Variants in TBCK observed in about 807,000 individuals in gnomAD.
The protein encoded by TBCK is TBC1 domain containing kinase, also known as TBC domain-containing protein kinase-like protein.
TBCK carries 99 observed loss-of-function variants against 113.4 expected under a neutral mutation model. That is an observed-to-expected ratio of 0.87 (90% confidence interval 0.74 to 1.03). TBCK has a LOEUF of 1.03. Among genes scored for constraint, TBCK ranks in the 50% least tolerant of loss-of-function variants. The probability of loss-of-function intolerance (pLI) is 0.00; values close to 1 mark genes in which losing one functional copy is unlikely to be tolerated. For missense variants in TBCK, 1,045 were observed against 1,061.3 expected (o/e 0.98, Z 0.21); for synonymous variants, 369 against 370.8 (o/e 1.00, Z 0.05).
rs140159536 is a variant in TBCK at position 106,173,246 on chromosome 4, A to G, written c.2060-1976T>C. ...AATATCAACTTGTTATTTCACAAAG[A>G]AAATACAAACACAAACTAGAAGAAA... On this transcript the variant is annotated intron_variant, in intron 22 of 25. Transcript: ENST00000394708. Among the ~76,000 whole-genome samples, 47 of 152,316 alleles carry G rather than the reference A, an allele frequency of 3.1e-4. 1 individual carries two copies. The highest frequency in any genetic ancestry group is 1.0e-3 in the African/African-American group (43 of 41,594).
rs561765090 is a variant in TBCK at position 106,255,248 on chromosome 4, A to AC, written c.456-3242dup. On this transcript the variant is annotated intron_variant, in intron 5 of 25. Coordinates refer to ENST00000394708, the MANE Select transcript of TBCK (RefSeq NM_001163435.3). ...TGTGGTGTCACTTTGTCAGGTGGAA[A>AC]CCTCTGTGGCCAGTGGTGCCTTTGC... 5.1e-4 allele frequency among the ~76,000 whole-genome samples: 77 copies of AC among 152,280 alleles called. 3 individuals are homozygous for AC. In the South Asian group the frequency reaches 0.016, roughly 31 times the overall value.
intron 12 of TBCK, among the ~76,000 whole-genome samples, chr4:106,237,064 G>T (rs948371849): frequency 1.3e-5 from 2 of 151,810 alleles, no homozygotes; most frequent in African/African-American, 4.8e-5. Context: ...CACTTATCAT[G>T]ATATATTTTC....
At chr4:106,254,375 T>C (rs570783973) in intron 5 of TBCK, among the ~76,000 whole-genome samples, 38 of 152,348 alleles carry the variant, frequency 2.5e-4, no homozygotes, top group South Asian at 8.3e-4. Flanking sequence ...TTTCTAAGGA[T>C]AGCAGTCTTA....
chr4:106,174,536 T>C (rs73838130), intron 22 of TBCK, among the ~76,000 whole-genome samples: 2 of 152,240 alleles, frequency 1.3e-5, no homozygotes, highest in East Asian at 3.9e-4. Context: ...ATCCCTGTAT[T>C]ATGAAATTTC....
chr4:106,175,083 C>T (rs935026482), intron 22 of TBCK, among the ~76,000 whole-genome samples: 4 of 150,806 alleles, frequency 2.7e-5, no homozygotes, highest in Non-Finnish European at 5.9e-5. Flanking sequence ...GCAGTGATCA[C>T]GCCTGTATCA....
At chr4:106,055,014 G>C (rs933158614) in intron 25 of TBCK, among the ~76,000 whole-genome samples, 1 of 151,622 alleles carries the variant, frequency 6.6e-6, no homozygotes, top group South Asian at 2.1e-4. Flanking sequence ...ATAAATGCTT[G>C]TGACATATGT....
At position 106,214,094 on chromosome 4, in the gene TBCK, T is replaced by C. The variant is rs926486891; in HGVS notation, c.1775-1259A>G. ...CGAGCAGCCTAACTGGGAGGCACCC[T>C]CCAGCAGGGGCACACTGACACCTCA... On this transcript the variant is annotated intron_variant, in intron 19 of 25. Transcript: ENST00000394708. Among the ~76,000 whole-genome samples, 51 of 151,930 alleles carry C rather than the reference T, an allele frequency of 3.4e-4. 1 individual carries two copies. Among genetic ancestry groups the C allele is most frequent in the Non-Finnish European group, 5.0e-4 (34 of 67,970 alleles).
At chr4:106,128,034 TA>T (rs1429103917) in intron 23 of TBCK, among the ~76,000 whole-genome samples, 3 of 152,166 alleles carry the variant, frequency 2.0e-5, no homozygotes, top group African/African-American at 7.2e-5. Flanking sequence ...TTTAAAACTC[TA>T]AAAACTCTAG....
chr4:106,227,373 G>A (rs75070770), intron 19 of TBCK, among the ~76,000 whole-genome samples: 2,055 of 145,734 alleles, frequency 0.014, 25 homozygotes, highest in Non-Finnish European at 0.022. Context: ...ATGTTTTTAT[G>A]TGCTAAGCTA....
chr4:106,201,680 G>A (rs1319135691), intron 20 of TBCK, among the ~76,000 whole-genome samples: 1 of 151,900 alleles, frequency 6.6e-6, no homozygotes, highest in African/African-American at 2.4e-5. Context: ...CAAAGGAAGG[G>A]AGAACCATCA....
chr4:106,170,456 T>A (rs1376520138), intron 23 of TBCK, among the ~76,000 whole-genome samples: 1 of 152,074 alleles, frequency 6.6e-6, no homozygotes, highest in Non-Finnish European at 1.5e-5. Flanking sequence ...TTAATATAAT[T>A]TGATTGTGAT....
chr4:106,164,852 A>T (rs1171081246), intron 23 of TBCK, among the ~76,000 whole-genome samples: 2 of 151,924 alleles, frequency 1.3e-5, no homozygotes, highest in East Asian at 3.9e-4. Flanking sequence ...AATGTGCTTT[A>T]AATAAGATTT....
chr4:106,223,183 G>A (rs573951954), intron 19 of TBCK, among the ~76,000 whole-genome samples: 1 of 152,126 alleles, frequency 6.6e-6, no homozygotes, highest in South Asian at 2.1e-4. Context: ...TAAAAGTAAT[G>A]GAAAAAAACA....
intron 5 of TBCK, among the ~76,000 whole-genome samples, chr4:106,258,896 G>A (rs1324725280): frequency 6.6e-6 from 1 of 151,722 alleles, no homozygotes; most frequent in Non-Finnish European, 1.5e-5. Flanking sequence ...ATAAGAAATT[G>A]TAGACTGTCT....
At chr4:106,170,621 TG>T (rs1174985787) in intron 23 of TBCK, among the ~76,000 whole-genome samples, 3 of 152,230 alleles carry the variant, frequency 2.0e-5, no homozygotes, top group South Asian at 2.1e-4. Context: ...ATATTCGAAA[TG>T]TATGAATTAT....
At chr4:106,142,322 C>A (rs79928816) in intron 23 of TBCK, among the ~76,000 whole-genome samples, 31,184 of 152,086 alleles carry the variant, frequency 0.21, 3,521 homozygotes, top group South Asian at 0.27. Flanking sequence ...CAGTAATTCT[C>A]TAACAGATGT....
At chr4:106,073,506 C>T (rs778747396) in intron 25 of TBCK, among the ~76,000 whole-genome samples, 1 of 152,188 alleles carries the variant, frequency 6.6e-6, no homozygotes, top group East Asian at 1.9e-4. Context: ...CAGAGGGGCA[C>T]CTGGGTGTAT....
chr4:106,310,066 T>C (rs1260049657), intron 1 of TBCK: 1 of 152,172 alleles, frequency 6.6e-6, no homozygotes, highest in East Asian at 1.9e-4. Context: ...CTTTTACCCA[T>C]GGACCTCACT....
At chr4:106,085,774 A>C (rs1739422909) in intron 25 of TBCK, among the ~76,000 whole-genome samples, 1 of 152,372 alleles carries the variant, frequency 6.6e-6, no homozygotes, top group Non-Finnish European at 1.5e-5. Context: ...GTTCAATCAA[A>C]TTAGAACTCA....
Sources: gnomAD v4.1 joint callset for allele counts (sites outside exome capture counted in the v4.1 genomes callset) on GRCh38, gnomAD v4.1.1 for gene constraint, MANE v1.5 for transcripts, NCBI Gene and HGNC (gene_info 2026-07-23, HGNC 2026-07-21) for gene names.